Variants in NPL observed in about 807,000 individuals in gnomAD.
NPL encodes the protein N-acetylneuraminate pyruvate lyase, also known as N-acetylneuraminate lyase.
A neutral mutation model predicts 41.1 loss-of-function variants in NPL; 32 were observed. The observed-to-expected ratio is 0.78, with a 90% CI of 0.59 to 1.05. The LOEUF is 1.05. Among genes scored for constraint, NPL ranks in the 50% least tolerant of loss-of-function variants. The probability of loss-of-function intolerance (pLI) is 0.00; values close to 1 mark genes in which losing one functional copy is unlikely to be tolerated. For synonymous variants in NPL, 128 were observed against 134.9 expected, an observed-to-expected ratio of 0.95 and a Z score of 0.35; for missense variants, 321 against 378.4, an observed-to-expected ratio of 0.85 and a Z score of 1.26.
At chr1:182,806,804 C>T (rs532091772) in intron 5 of NPL, among the ~76,000 whole-genome samples, 1 of 152,262 alleles carries the variant, frequency 6.6e-6, no homozygotes, top group East Asian at 1.9e-4. Flanking sequence ...GTATCAGTTC[C>T]ATAGCACTTC....
chr1:182,826,004 A>G lies in NPL; in HGVS notation c.778+184A>G, dbSNP rs897472336. The G allele has an allele frequency of 2.8e-5, 18 of 653,940 alleles. No homozygotes were observed. In the Admixed American group the frequency reaches 3.0e-4, roughly 11 times the overall value. The allele number at this position is 653,940 out of a possible 1,614,324, so 40.5% of individuals were successfully genotyped here. A position where few individuals can be genotyped will look rare whatever the true frequency, so the allele number is the denominator to read the frequency against. ...ACTGTGAAGTAAACCTAGTTGGAAA[A>G]TCTTTGGCAACCTTCTCCATTTTAG... On this transcript the variant is annotated intron_variant, in intron 12 of 12. Coordinates refer to ENST00000367553, the MANE Select transcript of NPL (RefSeq NM_030769.3).
chr1:182,828,802 A>G lies in NPL; in HGVS notation c.857A>G (p.Gln286Arg), dbSNP rs1667696154. ...IPMGPPRLPL[Q>R]KASREFTDSA... ...ATGGGCCCACCCCGGCTTCCACTGC[A>G]GAAAGCCTCCAGGGAGTTTACTGAT... is the stretch of plus-strand genomic sequence containing the variant. Residue 286 changes from glutamine (Q) to arginine (R), a missense_variant, in exon 13 of 13, where the codon CAG (glutamine) becomes CGG (arginine). By Grantham distance (43) the Gln-to-Arg change is conservative. Coordinates refer to ENST00000367553, the MANE Select transcript of NPL (RefSeq NM_030769.3). The surrounding 1 kb of genome is among the most constrained non-coding windows in gnomAD (Gnocchi z 4.0). The G allele has an allele frequency of 1.2e-6, 2 of 1,614,214 alleles. No individual in the cohort carries two copies. The highest frequency in any genetic ancestry group is 1.7e-6 in the Non-Finnish European group (2 of 1,180,034).
chr1:182,793,814 C>T (rs1666581515), intron 2 of NPL, among the ~76,000 whole-genome samples: 1 of 152,134 alleles, frequency 6.6e-6, no homozygotes, highest in Admixed American at 6.5e-5. Context: ...ACAGTTGACC[C>T]TTGAATTACG....
intron 12 of NPL, chr1:182,826,848 A>C (rs1301436286): frequency 6.6e-6 from 1 of 152,212 alleles, no homozygotes; most frequent in Non-Finnish European, 1.5e-5. Context: ...TGACCAGTGG[A>C]TGCCTGAAAT....
At chr1:182,811,413 G>A (rs1667172333) in intron 5 of NPL, among the ~76,000 whole-genome samples, 1 of 151,956 alleles carries the variant, frequency 6.6e-6, no homozygotes, top group African/African-American at 2.4e-5. Context: ...ATTTTGGGTA[G>A]AGACAGGGTT....
rs147943716 is a variant in NPL at position 182,805,919 on chromosome 1, T to C, written c.143-226T>C. ...ATTTAAAATATTTCCTGACTGTCCC[T>C]AATATCAAGGTCAGATTTATAATTA... On this transcript the variant is annotated intron_variant, in intron 4 of 12. Coordinates refer to ENST00000367553, the MANE Select transcript of NPL (RefSeq NM_030769.3). Among the ~76,000 whole-genome samples the C allele has an allele frequency of 5.9e-3, 902 of 152,338 alleles. 9 individuals are homozygous for C. Among genetic ancestry groups the C allele is most frequent in the African/African-American group, 0.02 (837 of 41,576 alleles).
At chr1:182,808,959 T>TA (rs61310123) in intron 5 of NPL, among the ~76,000 whole-genome samples, 21,399 of 118,200 alleles carry the variant, frequency 0.18, 3,014 homozygotes, top group African/African-American at 0.4. Flanking sequence ...AACCCTGTCT[T>TA]AAAAAAAAAA....
chr1:182,813,428 G>A (rs1444566939), intron 6 of NPL, among the ~76,000 whole-genome samples: 1 of 152,210 alleles, frequency 6.6e-6, no homozygotes, highest in African/African-American at 2.4e-5. Context: ...CATAATAAGT[G>A]TGGAATCAGA....
chr1:182,793,241 G>A (rs895930027), intron 2 of NPL, among the ~76,000 whole-genome samples: 1 of 152,200 alleles, frequency 6.6e-6, no homozygotes, highest in African/African-American at 2.4e-5. Context: ...AGAGCTGTGA[G>A]TTGAACCAGG....
intron 3 of NPL, 88 bp downstream of exon 3, chr1:182,794,527 C>A: frequency 7.7e-7 from 1 of 1,295,024 alleles, no homozygotes; most frequent in Non-Finnish European, 1.1e-6. Flanking sequence ...ACTTAAGACC[C>A]TGCACCTCTG....
At position 182,794,493 on chromosome 1, in the gene NPL, G is replaced by A; in HGVS notation, c.68+54G>A. ...TCAGTTCTCATTCAACCAAAAAGGA[G>A]AGAAGTTCTTTGTAACAACAGTCAC... On this transcript the variant is annotated intron_variant, in intron 3 of 12. Transcript: ENST00000367553. 5 of 1,554,992 alleles carry A rather than the reference G, an allele frequency of 3.2e-6. No individual in the cohort carries two copies. In the South Asian group the frequency reaches 5.6e-5, roughly 17 times the overall value.
chr1:182,797,034 C>CA (rs59582125), intron 3 of NPL, among the ~76,000 whole-genome samples: 1,160 of 95,878 alleles, frequency 0.012, 4 homozygotes, highest in South Asian at 0.023. Context: ...GAATATGTCT[C>CA]AAAAAAAAAA....
At chr1:182,790,658 T>G (rs867902854) in intron 1 of NPL, among the ~76,000 whole-genome samples, 3 of 129,988 alleles carry the variant, frequency 2.3e-5, no homozygotes, top group Non-Finnish European at 3.4e-5. Flanking sequence ...TGTTGTTGTT[T>G]TTGAGACGGA....
At chr1:182,795,169 AAG>A (rs771001714) in intron 3 of NPL, among the ~76,000 whole-genome samples, 3 of 152,146 alleles carry the variant, frequency 2.0e-5, no homozygotes, top group Admixed American at 6.6e-5. Context: ...CCCCTGACAA[AAG>A]AGAGTTCATC....
intron 7 of NPL, among the ~76,000 whole-genome samples, chr1:182,815,214 G>T (rs945158861): frequency 6.6e-6 from 1 of 152,024 alleles, no homozygotes; most frequent in African/African-American, 2.4e-5. Flanking sequence ...ATAAGTGATG[G>T]GCATTTTGAG....
intron 5 of NPL, 66 bp downstream of exon 5, chr1:182,806,298 A>G: frequency 1.9e-6 from 3 of 1,604,554 alleles, no homozygotes; most frequent in Non-Finnish European, 1.7e-6. Context: ...CCTCTTCCCC[A>G]GAGGATACGC....
intron 3 of NPL, among the ~76,000 whole-genome samples, chr1:182,797,508 C>A (rs1049356386): frequency 2.6e-5 from 4 of 152,326 alleles, no homozygotes; most frequent in Non-Finnish European, 2.9e-5. Flanking sequence ...CACAGTTTAC[C>A]TTTCCTGCTT....
intron 3 of NPL, among the ~76,000 whole-genome samples, chr1:182,796,647 A>G (rs1324365687): frequency 6.6e-6 from 1 of 152,178 alleles, no homozygotes; most frequent in Non-Finnish European, 1.5e-5. Context: ...CAGAAAGAAC[A>G]TGGGTAAGTA....
rs373102223 is a variant in NPL, at chr1:182,828,742, C to G, written c.797C>G (p.Thr266Ser). 5.0e-5 allele frequency: 80 copies of G among 1,614,074 alleles called. No individual in the cohort carries two copies. Among genetic ancestry groups the G allele is most frequent in the Non-Finnish European group, 6.6e-5 (78 of 1,180,048 alleles). The change falls in exon 13 of 13, where the codon ACC becomes AGC. Residue 266 changes from threonine to serine, a missense_variant. Transcript: ENST00000367553. The surrounding 1 kb of genome is among the most constrained non-coding windows in gnomAD (Gnocchi z 4.0). ...VVKLGFGVSQ[T>S]KAIMTLVSGI... ...CGTCTAGGTTTTGGAGTGTCACAGA[C>G]CAAAGCCATCATGACTCTGGTCTCT...
Sources: gnomAD v4.1 joint callset for allele counts (sites outside exome capture counted in the v4.1 genomes callset) on GRCh38, gnomAD v4.1.1 for gene constraint, Gnocchi (gnomAD v3.1) non-coding constraint, MANE v1.5 for transcripts, NCBI Gene and HGNC (gene_info 2026-07-23, HGNC 2026-07-21) for gene names.